The following JAK1 variants were observed in gnomAD, a reference collection of about 807,000 sequenced individuals.
JAK1 encodes tyrosine-protein kinase JAK1.
JAK1 carries 16 observed loss-of-function variants against 136.6 expected under a neutral mutation model. The ratio of observed to expected loss-of-function variants is 0.12; its 90% CI spans 0.08 to 0.18. JAK1 has a LOEUF of 0.18. JAK1 is among the 10% of genes least tolerant of loss of function. JAK1 has a pLI of 1.00. For missense variants in JAK1, 859 were observed against 1,450.1 expected (o/e 0.59, Z 6.62); for synonymous variants, 492 against 519.5 (o/e 0.95, Z 0.72).
Position 64,883,575 on chromosome 1 carries a change from G to C in JAK1, c.7-100C>G. ...GAAGGTAAAAAAGCAGAAACATTTG[G>C]TGTTGGTATTGGATACGTACCTCTC... On this transcript the variant is annotated intron_variant, in intron 2 of 24. Transcript: ENST00000342505. The C allele has an allele frequency of 4.0e-6, 4 of 999,452 alleles. No individual in the cohort carries two copies. In the South Asian group the frequency reaches 6.1e-5, roughly 15 times the overall value. The allele number at this position is 999,452 out of a possible 1,614,324, so 61.9% of individuals were successfully genotyped here.
intron 1 of JAK1, chr1:65,058,604 C>A: frequency 4.3e-6 from 2 of 469,848 alleles, no homozygotes; most frequent in East Asian, 6.7e-5. Flanking sequence ...AAAAGATCAC[C>A]TTCTGGTTGG....
At chr1:64,858,738 AATGTT>A (rs1435842878) in intron 9 of JAK1, among the ~76,000 whole-genome samples, 2 of 152,250 alleles carry the variant, frequency 1.3e-5, no homozygotes, top group Non-Finnish European at 2.9e-5. Context: ...ACCAGGAACA[AATGTT>A]ATGTTATGTA....
At chr1:64,860,934 GT>G (rs1656286208) in intron 8 of JAK1, among the ~76,000 whole-genome samples, 1 of 92,614 alleles carries the variant, frequency 1.1e-5, no homozygotes, top group South Asian at 4.7e-4. Flanking sequence ...GGGTCCGTGT[GT>G]GTGTGTGTGT....
intron 2 of JAK1, among the ~76,000 whole-genome samples, chr1:64,993,918 A>G (rs564561460): frequency 5.8e-4 from 89 of 152,228 alleles, no homozygotes; most frequent in African/African-American, 1.9e-3. Context: ...AAGTGCTGGG[A>G]TTACAGGCAT....
At chr1:64,867,442 A>G (rs1298616143) in intron 6 of JAK1, among the ~76,000 whole-genome samples, 1 of 152,206 alleles carries the variant, frequency 6.6e-6, no homozygotes, top group Non-Finnish European at 1.5e-5. Flanking sequence ...CTGAAATGGG[A>G]ATTGCTACAA....
intron 1 of JAK1, among the ~76,000 whole-genome samples, chr1:65,049,238 A>C (rs1295598431): frequency 6.6e-6 from 1 of 152,144 alleles, no homozygotes. Flanking sequence ...CCTGAGCAAC[A>C]AAGAGAGATC....
rs185801351 is a variant in JAK1, at chr1:64,834,458, A to G, written c.*104T>C. The G allele has an allele frequency of 1.5e-4, 112 of 754,616 alleles. 1 individual carries two copies. In the East Asian group the frequency reaches 2.2e-3, roughly 15 times the overall value. The allele number at this position is 754,616 out of a possible 1,614,324, so 46.7% of individuals were successfully genotyped here. A position where few individuals can be genotyped will look rare whatever the true frequency, so the allele number is the denominator to read the frequency against. On this transcript the variant is annotated 3_prime_UTR_variant, in exon 25 of 25. Transcript: ENST00000342505. The stretch of plus-strand genomic sequence containing the variant: ...GTATGAGTTCAGTGACTTTTTGGAC[A>G]GAACACAAACTTCTTTCATTAGAAA...
chr1:64,852,374 T>G (rs1399432998), intron 11 of JAK1, among the ~76,000 whole-genome samples: 1 of 152,162 alleles, frequency 6.6e-6, no homozygotes. Context: ...GGAGAACAAA[T>G]GTGGGTGCCA....
chr1:64,926,132 T>C (rs1053008698), intron 1 of JAK1, among the ~76,000 whole-genome samples: 1 of 152,152 alleles, frequency 6.6e-6, no homozygotes, highest in South Asian at 2.1e-4. Context: ...CCCTGATGCA[T>C]AAACTGAAAG....
At chr1:64,925,367 G>T (rs1003051235) in intron 1 of JAK1, among the ~76,000 whole-genome samples, 1 of 151,904 alleles carries the variant, frequency 6.6e-6, no homozygotes, top group African/African-American at 2.4e-5. Context: ...TTGCACACCA[G>T]CCTGGGAGAC....
intron 11 of JAK1, among the ~76,000 whole-genome samples, chr1:64,854,467 G>C (rs1372483869): frequency 6.6e-6 from 1 of 152,084 alleles, no homozygotes; most frequent in Non-Finnish European, 1.5e-5. Flanking sequence ...GGGCACTCAG[G>C]TTAGGCCTGG....
intron 2 of JAK1, among the ~76,000 whole-genome samples, chr1:64,977,165 G>GT (rs35414864): frequency 2.0e-5 from 3 of 151,690 alleles, no homozygotes; most frequent in Non-Finnish European, 4.4e-5. Flanking sequence ...TTGTTTGTTT[G>GT]TTGAGATAGG....
chr1:65,053,564 T>C (rs868322188), intron 1 of JAK1, among the ~76,000 whole-genome samples: 3 of 151,918 alleles, frequency 2.0e-5, no homozygotes, highest in East Asian at 1.9e-4. Context: ...AAGAACAGGA[T>C]AGACAAGCCA....
chr1:64,984,670 C>G lies in JAK1; in HGVS notation c.-78+59810G>C, dbSNP rs1646580907. On this transcript the variant is annotated intron_variant, in intron 2 of 25. Transcript: ENST00000671954. This position sits in a 1 kb window ranked among gnomAD's most constrained non-coding sequence, Gnocchi z 4.1. Reference sequence around the variant, plus strand: ...GTTCATCTCCATGACACAGTCCTTCCAGATCTATTTGCATCGTGTGCCTGC... The same window carrying G: ...GTTCATCTCCATGACACAGTCCTTCGAGATCTATTTGCATCGTGTGCCTGC... 1.7e-6 allele frequency: 1 copy of G among 578,072 alleles called. No individual in the cohort carries two copies. Among genetic ancestry groups the G allele is most frequent in the Non-Finnish European group, 3.2e-6 (1 of 313,854 alleles). 35.8% of individuals were successfully genotyped at this position (578,072 alleles called of 1,614,324 possible).
intron 1 of JAK1, among the ~76,000 whole-genome samples, chr1:64,922,973 T>C: frequency 6.6e-6 from 1 of 152,232 alleles, no homozygotes; most frequent in Non-Finnish European, 1.5e-5. Context: ...AATCATACGT[T>C]AGGTACTAAA....
At chr1:64,980,452 C>T (rs1457704472) in intron 2 of JAK1, among the ~76,000 whole-genome samples, 3 of 151,888 alleles carry the variant, frequency 2.0e-5, no homozygotes, top group East Asian at 1.9e-4. Context: ...TTTGCCCTCG[C>T]GTTCTCCATT....
Position 65,027,939 on chromosome 1 carries a change from C to T in JAK1, c.-78+16541G>A, listed in dbSNP as rs562231663. On this transcript the variant is annotated intron_variant, in intron 2 of 25. Transcript: ENST00000671954. ...TTCTGGAAGGGAAGTCTGCGTGGCA[C>T]GCTGCCACAGCTGGCACAACCCCAA... is the stretch of plus-strand genomic sequence containing the variant. Among the ~76,000 whole-genome samples the T allele has an allele frequency of 1.1e-4, 16 of 152,308 alleles. No individual in the cohort carries two copies. In the South Asian group the frequency reaches 1.7e-3, roughly 16 times the overall value.
intron 1 of JAK1, among the ~76,000 whole-genome samples, chr1:64,896,701 A>G (rs772364778): frequency 6.6e-6 from 1 of 152,238 alleles, no homozygotes; most frequent in African/African-American, 2.4e-5. Context: ...TAGCAAGGTA[A>G]TAATACATGA....
chr1:65,060,346 AC>A, intron 1 of JAK1, among the ~76,000 whole-genome samples: 1 of 152,292 alleles, frequency 6.6e-6, no homozygotes, highest in South Asian at 2.1e-4. Context: ...CTGAATACTT[AC>A]CCTGAAACAC....
Sources: gnomAD v4.1 joint callset for allele counts (sites outside exome capture counted in the v4.1 genomes callset) on GRCh38, gnomAD v4.1.1 for gene constraint, Gnocchi (gnomAD v3.1) non-coding constraint, MANE v1.5 for transcripts, NCBI Gene and HGNC (gene_info 2026-07-23, HGNC 2026-07-21) for gene names.